The following RREB1 variants were observed in gnomAD, a reference collection of about 807,000 sequenced individuals.
The protein encoded by RREB1 is ras-responsive element-binding protein 1.
RREB1 carries 27 observed loss-of-function variants against 117.8 expected under a neutral mutation model. The ratio of observed to expected loss-of-function variants is 0.23; its 90% confidence interval spans 0.17 to 0.32. The LOEUF is 0.32. Ranked by LOEUF, RREB1 falls within the 10% of genes least tolerant of loss-of-function variation. The probability of loss-of-function intolerance (pLI) is 1.00; values close to 1 mark genes in which losing one functional copy is unlikely to be tolerated. For missense variants in RREB1, 2,577 were observed against 2,378.2 expected, an observed-to-expected ratio of 1.08 and a Z score of -1.74; for synonymous variants, 1,298 against 1,026.7, an observed-to-expected ratio of 1.26 and a Z score of -5.05.
In RREB1 at chr6:7,230,061, C is replaced by T. The variant is rs973937046; in HGVS notation, c.1962C>T (p.Phe654=). The change falls in exon 10 of 13, where the codon TTC becomes TTT. Residue 654 remains phenylalanine, a synonymous_variant. Coordinates refer to ENST00000379938, the MANE Select transcript of RREB1 (RefSeq NM_001003699.4). ...PCRFCNQVFA[F]SGVLRAHVRS... ...GCTTCTGCAACCAGGTGTTTGCCTT[C>T]TCGGGGGTCTTGCGTGCCCACGTGC... The T allele has an allele frequency of 5.6e-6, 9 of 1,607,210 alleles. No homozygotes were observed. Among genetic ancestry groups the T allele is most frequent in the Non-Finnish European group, 7.7e-6 (9 of 1,175,588 alleles).
At chr6:7,163,376 C>CCG (rs2113469857) in intron 1 of RREB1, among the ~76,000 whole-genome samples, 1 of 152,106 alleles carries the variant, frequency 6.6e-6, no homozygotes, top group Non-Finnish European at 1.5e-5. Context: ...TCTTTGACTT[C>CCG]AGCGTTTTAT....
chr6:7,110,899 C>T (rs1337861752), intron 1 of RREB1, among the ~76,000 whole-genome samples: 2 of 152,118 alleles, frequency 1.3e-5, no homozygotes, highest in African/African-American at 4.8e-5. Flanking sequence ...TATTTCTCAT[C>T]AGAAAATCAG....
intron 4 of RREB1, among the ~76,000 whole-genome samples, chr6:7,186,985 G>T (rs1324375983): frequency 2.6e-5 from 4 of 152,194 alleles, no homozygotes; most frequent in African/African-American, 9.7e-5. Flanking sequence ...TGAGAACCTT[G>T]TTATCTCTCA....
chr6:7,186,074 T>C (rs1045080192), intron 4 of RREB1, among the ~76,000 whole-genome samples: 1 of 152,216 alleles, frequency 6.6e-6, no homozygotes, highest in South Asian at 2.1e-4. Flanking sequence ...TTCAAATGAA[T>C]GCAAGTAAAA....
chr6:7,129,472 GGTGACTGCC>G (rs1435807205), intron 1 of RREB1, among the ~76,000 whole-genome samples: 1 of 152,192 alleles, frequency 6.6e-6, no homozygotes, highest in Non-Finnish European at 1.5e-5. Flanking sequence ...CTGTGCTTTG[GGTGACTGCC>G]GTGGCTCACT....
chr6:7,219,321 C>CTT (rs1767104653), intron 8 of RREB1, among the ~76,000 whole-genome samples: 1 of 152,064 alleles, frequency 6.6e-6, no homozygotes, highest in Admixed American at 6.5e-5. Context: ...TTTCTTAAGA[C>CTT]TTAGTGAATC....
intron 4 of RREB1, chr6:7,183,475 C>G (rs1235147913): frequency 1.3e-5 from 2 of 152,258 alleles, no homozygotes; most frequent in African/African-American, 4.8e-5. Flanking sequence ...CGTCCTCATC[C>G]TTCTGCTCTA....
In RREB1 at chr6:7,230,929, A is replaced by G. The variant is rs775927305; in HGVS notation, c.2830A>G (p.Arg944Gly). The change falls in exon 10 of 13, where the codon AGG becomes GGG. Residue 944 changes from arginine (R) to glycine (G), a missense_variant. Transcript: ENST00000379938. ...PIDLSIPKNFRKGDKDLATPS... is the reference protein window; with the variant it reads ...PIDLSIPKNFGKGDKDLATPS... ...CGACCTGTCCATCCCCAAGAACTTC[A>G]GGAAAGGGGACAAGGATTTGGCCAC... 3.3e-5 allele frequency: 53 copies of G among 1,613,896 alleles called. No individual in the cohort carries two copies. Among genetic ancestry groups the G allele is most frequent in the Non-Finnish European group, 4.2e-5 (50 of 1,179,952 alleles).
chr6:7,217,797 T>C (rs955748309), intron 8 of RREB1: 5 of 152,194 alleles, frequency 3.3e-5, no homozygotes, highest in African/African-American at 1.2e-4. Flanking sequence ...ATTTTAAACC[T>C]TCCAACATTT....
At chr6:7,141,558 C>T (rs911554293) in intron 1 of RREB1, among the ~76,000 whole-genome samples, 9 of 152,198 alleles carry the variant, frequency 5.9e-5, no homozygotes, top group Admixed American at 1.3e-4. Context: ...TGAGCATGCC[C>T]ACTCGCATTA....
Position 7,246,448 on chromosome 6 carries a change from C to T in RREB1, c.3998C>T (p.Ala1333Val), listed in dbSNP as rs202041913. 3.1e-5 allele frequency: 46 copies of T among 1,499,890 alleles called. No individual in the cohort carries two copies. Among genetic ancestry groups the T allele is most frequent in the Admixed American group, 2.6e-4 (12 of 46,360 alleles). The allele number at this position is 1,499,890 out of a possible 1,614,324, so 92.9% of individuals were successfully genotyped here. The change falls in exon 12 of 13, where the codon GCA becomes GTA. Residue 1333 changes from alanine (A) to valine (V), a missense_variant. Transcript: ENST00000379938. ...GACAGTCAGTCGGATGCGGAGACTG[C>T]AGCCGCCGCGGGCGAAGTGCTAGAC... ...STDSQSDAET[A>V]AAAGEVLDLT... is the part of the protein sequence containing the mutation.
intron 6 of RREB1, among the ~76,000 whole-genome samples, chr6:7,203,407 C>A (rs1766095594): frequency 1.3e-5 from 2 of 152,166 alleles, no homozygotes; most frequent in Non-Finnish European, 2.9e-5. Flanking sequence ...TAGCTCAATG[C>A]ATCATTAAGG....
At chr6:7,136,542 T>C (rs1049750425) in intron 1 of RREB1, among the ~76,000 whole-genome samples, 1 of 152,172 alleles carries the variant, frequency 6.6e-6, no homozygotes, top group African/African-American at 2.4e-5. Context: ...TCCCAAAATG[T>C]TGGGATTACA....
chr6:7,131,490 C>T (rs1762155299), intron 1 of RREB1, among the ~76,000 whole-genome samples: 1 of 152,158 alleles, frequency 6.6e-6, no homozygotes, highest in Admixed American at 6.5e-5. Flanking sequence ...ACTGTTATTT[C>T]TGTTTACAGA....
At position 7,249,844 on chromosome 6, in the gene RREB1, C is replaced by G. The variant is rs987108670; in HGVS notation, c.*876C>G. On this transcript the variant is annotated 3_prime_UTR_variant, in exon 13 of 13. Coordinates refer to ENST00000379938, the MANE Select transcript of RREB1 (RefSeq NM_001003699.4). ...ATTATTAGTTCATCAGTTTGCTGTTCTCTGCAGTGAGCAGAATCAAATGGG... is the reference window on the plus strand; with the variant it reads ...ATTATTAGTTCATCAGTTTGCTGTTGTCTGCAGTGAGCAGAATCAAATGGG... 1 of 152,222 alleles carries G rather than the reference C, an allele frequency of 6.6e-6. No individual in the cohort carries two copies. Among genetic ancestry groups the G allele is most frequent in the Non-Finnish European group, 1.5e-5 (1 of 67,988 alleles). 9.4% of individuals were successfully genotyped at this position (152,222 alleles called of 1,614,324 possible). A position where few individuals can be genotyped will look rare whatever the true frequency, so the allele number is the denominator to read the frequency against.
chr6:7,233,792 G>A (rs1768140420), intron 10 of RREB1, among the ~76,000 whole-genome samples: 1 of 152,192 alleles, frequency 6.6e-6, no homozygotes, highest in Non-Finnish European at 1.5e-5. Flanking sequence ...CTCGTGGAAG[G>A]ATGTTTCTCC....
intron 1 of RREB1, among the ~76,000 whole-genome samples, chr6:7,111,008 A>G (rs1761115109): frequency 6.6e-6 from 1 of 152,176 alleles, no homozygotes; most frequent in Non-Finnish European, 1.5e-5. Flanking sequence ...AACTAGTTAC[A>G]TCATCCAACA....
chr6:7,166,563 G>A (rs189337912), intron 1 of RREB1, among the ~76,000 whole-genome samples: 75 of 152,292 alleles, frequency 4.9e-4, no homozygotes, highest in African/African-American at 1.3e-3. Flanking sequence ...GGTTTGTAAC[G>A]TCTGATTACG....
chr6:7,230,140 G>C lies in RREB1; in HGVS notation c.2041G>C (p.Ala681Pro). 6.2e-7 allele frequency: 1 copy of C among 1,604,564 alleles called. No individual in the cohort carries two copies. Among genetic ancestry groups the C allele is most frequent in the Non-Finnish European group, 8.5e-7 (1 of 1,177,700 alleles). The change falls in exon 10 of 13, where the codon GCC becomes CCC. Residue 681 changes from alanine (A) to proline (P), a missense_variant. Transcript: ENST00000379938. ...YQCNICDYIA[A>P]DKAALIRHLR... ...GTGCAACATCTGCGACTACATCGCC[G>C]CCGACAAGGCCGCGCTCATCCGCCA...
Sources: gnomAD v4.1 joint callset for allele counts (sites outside exome capture counted in the v4.1 genomes callset) on GRCh38, gnomAD v4.1.1 for gene constraint, MANE v1.5 for transcripts, NCBI Gene and HGNC (gene_info 2026-07-23, HGNC 2026-07-21) for gene names.